Variants in PHLPP1 observed in about 807,000 individuals in gnomAD.
PHLPP1 encodes the protein PH domain leucine-rich repeat-containing protein phosphatase 1.
PHLPP1 carries 42 observed loss-of-function variants against 117.2 expected under a neutral mutation model. The observed-to-expected ratio is 0.36, with a 90% CI of 0.28 to 0.46. PHLPP1 has a LOEUF of 0.46. PHLPP1 is among the 20% of genes least tolerant of loss of function. PHLPP1 has a pLI of 1.00. For missense variants in PHLPP1, 2,084 were observed against 2,241.9 expected (o/e 0.93, Z 1.42); for synonymous variants, 1,042 against 970.7 (o/e 1.07, Z -1.37).
intron 3 of PHLPP1, among the ~76,000 whole-genome samples, chr18:62,853,498 T>C (rs966764378): frequency 5.9e-5 from 9 of 152,056 alleles, no homozygotes; most frequent in African/African-American, 2.2e-4. Flanking sequence ...GCCTCCTGAG[T>C]AGCTGGGATT....
intron 1 of PHLPP1, among the ~76,000 whole-genome samples, chr18:62,721,364 A>C (rs149283874): frequency 2.6e-5 from 4 of 152,146 alleles, no homozygotes; most frequent in Non-Finnish European, 5.9e-5. Context: ...TTAAACTGTA[A>C]ATCTTCATTG....
At chr18:62,938,219 T>G (rs759369075) in intron 10 of PHLPP1, among the ~76,000 whole-genome samples, 11 of 152,222 alleles carry the variant, frequency 7.2e-5, no homozygotes, top group Non-Finnish European at 1.6e-4. Context: ...TACAAAATTC[T>G]GTAAGGAAGA....
At chr18:62,729,310 T>G (rs942341649) in intron 1 of PHLPP1, among the ~76,000 whole-genome samples, 1 of 152,230 alleles carries the variant, frequency 6.6e-6, no homozygotes, top group Non-Finnish European at 1.5e-5. Flanking sequence ...TTAGTTGTGT[T>G]GCAGAAGTTC....
chr18:62,780,436 T>C (rs1223646582), intron 1 of PHLPP1, among the ~76,000 whole-genome samples: 1 of 152,244 alleles, frequency 6.6e-6, no homozygotes, highest in Non-Finnish European at 1.5e-5. Context: ...TTTGAGAATT[T>C]TATGATTGAC....
Position 62,844,822 on chromosome 18 carries a change from C to T in PHLPP1, c.1899+5913C>T, listed in dbSNP as rs1405016113. ...AATATGCAACACTTGTGGAAAAGGGCATATTGTGAGCTACGCTTTTAACTT... is the reference window on the plus strand; with the variant it reads ...AATATGCAACACTTGTGGAAAAGGGTATATTGTGAGCTACGCTTTTAACTT... On this transcript the variant is annotated intron_variant, in intron 3 of 16. Coordinates refer to ENST00000262719, the MANE Select transcript of PHLPP1 (RefSeq NM_194449.4). 2.6e-5 allele frequency among the ~76,000 whole-genome samples: 4 copies of T among 152,150 alleles called. No homozygotes were observed. The East Asian group carries it at 7.7e-4, about 29-fold the overall frequency.
chr18:62,884,288 G>A (rs952739419), intron 4 of PHLPP1, among the ~76,000 whole-genome samples: 2 of 152,196 alleles, frequency 1.3e-5, no homozygotes, highest in African/African-American at 4.8e-5. Context: ...AGCTTTGGAA[G>A]GATATAAACC....
intron 1 of PHLPP1, among the ~76,000 whole-genome samples, chr18:62,792,166 A>G (rs578131790): frequency 6.6e-6 from 1 of 152,354 alleles, no homozygotes; most frequent in African/African-American, 2.4e-5. Flanking sequence ...AGTCAAGTCC[A>G]TGTAGCATAT....
chr18:62,860,616 A>G lies in PHLPP1; in HGVS notation c.2066+15A>G. 2 of 1,605,644 alleles carry G rather than the reference A, an allele frequency of 1.2e-6. No individual in the cohort carries two copies. The highest frequency in any genetic ancestry group is 8.5e-7 in the Non-Finnish European group (1 of 1,174,902). ...GAACTGCAAAGGTAAGCCTGCAGAA[A>G]TGGGTAGATCATTAGGAAGGGGTGG... On this transcript the variant is annotated intron_variant, in intron 4 of 16. Coordinates refer to ENST00000262719, the MANE Select transcript of PHLPP1 (RefSeq NM_194449.4).
At chr18:62,757,018 T>C (rs141505067) in intron 1 of PHLPP1, among the ~76,000 whole-genome samples, 54 of 152,266 alleles carry the variant, frequency 3.5e-4, no homozygotes, top group African/African-American at 9.9e-4. Flanking sequence ...TTTTGATGAG[T>C]GTAATATGAT....
At chr18:62,856,018 A>G (rs1485098730) in intron 3 of PHLPP1, among the ~76,000 whole-genome samples, 4 of 152,176 alleles carry the variant, frequency 2.6e-5, no homozygotes, top group African/African-American at 9.7e-5. Context: ...AAAGATAGAG[A>G]AAAAATAAGA....
chr18:62,815,588 C>T (rs1041630896), intron 1 of PHLPP1, among the ~76,000 whole-genome samples: 4 of 152,296 alleles, frequency 2.6e-5, no homozygotes, highest in African/African-American at 4.8e-5. Flanking sequence ...AGTATCCTCA[C>T]GACAGGGCAG....
At chr18:62,831,669 T>A (rs1275620194) in intron 2 of PHLPP1, among the ~76,000 whole-genome samples, 1 of 152,168 alleles carries the variant, frequency 6.6e-6, no homozygotes, top group Non-Finnish European at 1.5e-5. Flanking sequence ...GTTGTCTAAA[T>A]GTCTGATCTG....
intron 1 of PHLPP1, among the ~76,000 whole-genome samples, chr18:62,796,818 AAG>A (rs71340116): frequency 0.057 from 8,670 of 152,290 alleles, 335 homozygotes; most frequent in Non-Finnish European, 0.083. Flanking sequence ...CATCTGCTGG[AAG>A]AGAGAATAAA....
rs1910702682 is a variant in PHLPP1 at position 62,715,786 on chromosome 18, G to A, written c.103G>A (p.Ala35Thr). The change falls in exon 1 of 17, where the codon GCG becomes ACG. Residue 35 changes from alanine to threonine, a missense_variant. Ala to Thr is a moderately conservative substitution (Grantham distance 58). Around this residue, in one of 2 missense-constraint regions of PHLPP1, gnomAD observed 719 missense variants for 636.0 expected, o/e 1.13. Coordinates refer to ENST00000262719, the MANE Select transcript of PHLPP1 (RefSeq NM_194449.4). ...CGCCGCTGCGGCAGCAGCAGCAGCA[G>A]CGGCGGCCGCGGCGGCTCTGGCGGC... ...AAAAAAAAAAAAAAAALAAAA... is the reference protein window; with the variant it reads ...AAAAAAAAAATAAAAALAAAA... 1 of 803,902 alleles carries A rather than the reference G, an allele frequency of 1.2e-6. No homozygotes were observed. The highest frequency in any genetic ancestry group is 1.5e-6 in the Non-Finnish European group (1 of 654,986). The allele number at this position is 803,902 out of a possible 1,614,324, so 49.8% of individuals were successfully genotyped here. A position where few individuals can be genotyped will look rare whatever the true frequency, so the allele number is the denominator to read the frequency against.
At chr18:62,946,885 CT>C (rs1910306453) in intron 12 of PHLPP1, among the ~76,000 whole-genome samples, 1 of 152,054 alleles carries the variant, frequency 6.6e-6, no homozygotes, top group Non-Finnish European at 1.5e-5. Context: ...AACCCTGTCT[CT>C]ACTAAAAATA....
chr18:62,824,243 C>T (rs753088691), intron 1 of PHLPP1: 9 of 454,080 alleles, frequency 2.0e-5, no homozygotes, highest in South Asian at 3.1e-5. Context: ...GGTATTTACC[C>T]GAGAGGAATC....
At position 62,963,358 on chromosome 18, in the gene PHLPP1, C is replaced by G. The variant is rs1160725388; in HGVS notation, c.3456-10C>G. 1.9e-6 allele frequency: 3 copies of G among 1,594,258 alleles called. No individual in the cohort carries two copies. The highest frequency in any genetic ancestry group is 2.6e-6 in the Non-Finnish European group (3 of 1,164,570). On this transcript the variant is annotated splice_polypyrimidine_tract_variant and intron_variant, in intron 13 of 16. Transcript: ENST00000262719. ...AATGATTCCTGTTCCCTCCCTGTTTCTCTTGTTAGTAATATCCGCTGTTTC... is the reference window on the plus strand; with the variant it reads ...AATGATTCCTGTTCCCTCCCTGTTTGTCTTGTTAGTAATATCCGCTGTTTC...
intron 4 of PHLPP1, among the ~76,000 whole-genome samples, chr18:62,871,643 A>ATTTTTTTTTTT (rs1568145031): frequency 7.5e-6 from 1 of 133,510 alleles, no homozygotes; most frequent in Non-Finnish European, 1.6e-5. Context: ...TAGCTCTGAA[A>ATTTTTTTTTTT]ATTTTTTTTT....
intron 4 of PHLPP1, among the ~76,000 whole-genome samples, chr18:62,886,217 C>G (rs973707265): frequency 5.3e-5 from 8 of 152,122 alleles, no homozygotes; most frequent in African/African-American, 1.9e-4. Context: ...TTCCCTGTCC[C>G]CACTTTGACC....
Sources: allele counts gnomAD v4.1 joint callset (sites outside exome capture counted in the v4.1 genomes callset), GRCh38; gene constraint gnomAD v4.1.1; regional missense constraint gnomAD v4.1.1; transcripts MANE v1.5; gene names NCBI Gene and HGNC (gene_info 2026-07-23, HGNC 2026-07-21).